PRR29: variants seen among roughly 807,000 people sequenced by gnomAD.
PRR29 encodes proline rich 29.
A neutral mutation model predicts 25.1 loss-of-function variants in PRR29; 20 were observed. That is an observed-to-expected ratio of 0.80 (90% CI 0.56 to 1.16). The LOEUF (loss-of-function observed/expected upper bound fraction) is 1.16, where lower values mean the gene tolerates loss of function less well. Ranked by LOEUF, PRR29 falls within the 50% of genes most tolerant of loss-of-function variation. PRR29 has a pLI of 0.00. For synonymous variants in PRR29, 108 were observed against 102.6 expected, an observed-to-expected ratio of 1.05 and a Z score of -0.32; for missense variants, 238 against 246.6, an observed-to-expected ratio of 0.97 and a Z score of 0.23.
In PRR29 at chr17:64,003,034, G is replaced by T; in HGVS notation, c.*1273G>T. On this transcript the variant is annotated 3_prime_UTR_variant, in exon 6 of 6. Transcript: ENST00000412177. Reference sequence around the variant, plus strand: ...CCCAGACCCCCAGACCCCGCCGCCCGCTCATGCATCCAGCAGTCACCCCAG... The same window carrying T: ...CCCAGACCCCCAGACCCCGCCGCCCTCTCATGCATCCAGCAGTCACCCCAG... The T allele has an allele frequency of 1.1e-6, 1 of 872,874 alleles. No homozygotes were observed. Among genetic ancestry groups the T allele is most frequent in the Non-Finnish European group, 1.8e-6 (1 of 568,570 alleles). 54.1% of individuals were successfully genotyped at this position (872,874 alleles called of 1,614,324 possible). A position where few individuals can be genotyped will look rare whatever the true frequency, so the allele number is the denominator to read the frequency against.
chr17:64,002,033 C>G lies in PRR29; in HGVS notation c.*272C>G. On this transcript the variant is annotated 3_prime_UTR_variant, in exon 6 of 6. Transcript: ENST00000412177. ...GCCACGTCAGCCCGCCTCTGCCCCA[C>G]TGCTTCCTGCCTGGAGCAGGGGGAG... is the stretch of plus-strand genomic sequence containing the variant. The G allele has an allele frequency of 6.6e-7, 1 of 1,510,098 alleles. No individual in the cohort carries two copies. The highest frequency in any genetic ancestry group is 8.9e-7 in the Non-Finnish European group (1 of 1,127,326). 93.5% of individuals were successfully genotyped at this position (1,510,098 alleles called of 1,614,324 possible). A position where few individuals can be genotyped will look rare whatever the true frequency, so the allele number is the denominator to read the frequency against.
In PRR29 at chr17:64,001,723, G is replaced by A. The variant is rs1339441934; in HGVS notation, c.542-10G>A. ...AGGAGGGAGTCAAGATGAGGTTCTTGTTTCCCCAGACTACTATGATGCCGA... is the reference window on the plus strand; with the variant it reads ...AGGAGGGAGTCAAGATGAGGTTCTTATTTCCCCAGACTACTATGATGCCGA... On this transcript the variant is annotated splice_polypyrimidine_tract_variant and intron_variant, in intron 5 of 5. Transcript: ENST00000412177. 2 of 1,536,796 alleles carry A rather than the reference G, an allele frequency of 1.3e-6. No individual in the cohort carries two copies. Among genetic ancestry groups the A allele is most frequent in the Admixed American group, 2.0e-5 (1 of 50,966 alleles).
At position 64,001,302 on chromosome 17, in the gene PRR29, A is replaced by C; in HGVS notation, c.462A>C (p.Glu154Asp). 6.5e-7 allele frequency: 1 copy of C among 1,535,484 alleles called. No homozygotes were observed. Reference protein sequence around the residue: ...PRIQHCPASREREVRAVPPPP... With the variant: ...PRIQHCPASRDREVRAVPPPP... Reference sequence around the variant, plus strand: ...TTCAGCACTGTCCTGCCTCCAGGGAAAGGGAGGTGTAAGTGAGGCTGGGTG... The same window carrying C: ...TTCAGCACTGTCCTGCCTCCAGGGACAGGGAGGTGTAAGTGAGGCTGGGTG... The change falls in exon 4 of 6, where the codon GAA becomes GAC. Residue 154 changes from glutamate to aspartate, a missense_variant. Physicochemically the swap from Glu to Asp is conservative, Grantham distance 45. Coordinates refer to ENST00000412177, the MANE Select transcript of PRR29 (RefSeq NM_001164257.2).
chr17:63,998,797 T>TGCCCCCC lies in PRR29; in HGVS notation c.136+15_136+16insGCCCCCC. ...CGTGAAGGAAGGTGAGACTCCCGGG[T>TGCCCCCC]CCCCCCACCCCACCCCCACCATCAC... On this transcript the variant is annotated intron_variant, in intron 2 of 5. Transcript: ENST00000412177. 13 of 1,062,588 alleles carry TGCCCCCC rather than the reference T, an allele frequency of 1.2e-5. No homozygotes were observed. The highest frequency in any genetic ancestry group is 1.7e-5 in the Non-Finnish European group (13 of 761,692). The allele number at this position is 1,062,588 out of a possible 1,614,324, so 65.8% of individuals were successfully genotyped here.
At position 64,003,864 on chromosome 17, in the gene PRR29, G is replaced by A. The variant is rs1598015751; in HGVS notation, c.*2103G>A. ...CACGGAACAGGAAGAGGGTGAGGCTGTCCAGGGGCTCCACGGTGGGCACCC... is the reference window on the plus strand; with the variant it reads ...CACGGAACAGGAAGAGGGTGAGGCTATCCAGGGGCTCCACGGTGGGCACCC... On this transcript the variant is annotated 3_prime_UTR_variant, in exon 6 of 6. Coordinates refer to ENST00000412177, the MANE Select transcript of PRR29 (RefSeq NM_001164257.2). 1.9e-6 allele frequency: 3 copies of A among 1,614,224 alleles called. No homozygotes were observed. In the African/African-American group the frequency reaches 4.0e-5, roughly 22 times the overall value.
Position 64,002,554 on chromosome 17 carries a change from G to C in PRR29, c.*793G>C. 1 of 596,300 alleles carries C rather than the reference G, an allele frequency of 1.7e-6. No homozygotes were observed. The highest frequency in any genetic ancestry group is 2.9e-6 in the Non-Finnish European group (1 of 342,606). The allele number at this position is 596,300 out of a possible 1,614,324, so 36.9% of individuals were successfully genotyped here. A position where few individuals can be genotyped will look rare whatever the true frequency, so the allele number is the denominator to read the frequency against. On this transcript the variant is annotated 3_prime_UTR_variant, in exon 6 of 6. Transcript: ENST00000412177. ...GTCCCCCATGGTGGCTCCCCTCCCT[G>C]GCCATTGTTATCCCAGGAGGAGACA...
rs1359453493 is a variant in PRR29 at position 64,002,842 on chromosome 17, A to T, written c.*1081A>T. On this transcript the variant is annotated 3_prime_UTR_variant, in exon 6 of 6. Transcript: ENST00000412177. The stretch of plus-strand genomic sequence containing the variant: ...CGCAAGTGCTGGCCGAAGATGAAGC[A>T]GAGCAGGACAGATGTCACGAACAGG... 6.2e-7 allele frequency: 1 copy of T among 1,613,904 alleles called. No individual in the cohort carries two copies. Among genetic ancestry groups the T allele is most frequent in the Non-Finnish European group, 8.5e-7 (1 of 1,180,004 alleles).
chr17:63,998,395 C>G lies in PRR29; in HGVS notation c.31C>G (p.Arg11Gly). ...CTCTGGGGCGGGCGGAAGCTGGGGTCGCTCCCCACCGCAGAGCGCAGTCCC... is the reference window on the plus strand; with the variant it reads ...CTCTGGGGCGGGCGGAAGCTGGGGTGGCTCCCCACCGCAGAGCGCAGTCCC... MASGAGGSWG[R>G]SPPQSAVPTP... is the part of the protein sequence containing the mutation. Residue 11 changes from arginine to glycine, a missense_variant, in exon 1 of 6, where the codon CGC (arginine) becomes GGC (glycine). Arg to Gly is a moderately radical substitution (Grantham distance 125). Transcript: ENST00000412177. The G allele has an allele frequency of 6.6e-7, 1 of 1,516,228 alleles. No homozygotes were observed. The highest frequency in any genetic ancestry group is 1.2e-5 in the South Asian group (1 of 81,340). 93.9% of individuals were successfully genotyped at this position (1,516,228 alleles called of 1,614,324 possible). A position where few individuals can be genotyped will look rare whatever the true frequency, so the allele number is the denominator to read the frequency against.
chr17:63,999,169 A>G (rs781232919), intron 3 of PRR29, 95 bp downstream of exon 3: 40 of 940,816 alleles, frequency 4.3e-5, no homozygotes, highest in Non-Finnish European at 5.6e-5. Context: ...GAACTGGGAG[A>G]CAGAGGAGCA....
At chr17:64,001,627 G>T in intron 5 of PRR29, 90 bp downstream of exon 5, 10 of 1,499,034 alleles carry the variant, frequency 6.7e-6, no homozygotes, top group South Asian at 1.3e-5. Context: ...GGGTTTGGGG[G>T]TTTCCTAACA....
In PRR29 at chr17:64,004,240, C is replaced by A; in HGVS notation, c.*2479C>A. ...ACTGGAAAGATATAAAAGTTTGGGTCTGTCTCCTCTCCTTCAGAAATGAAA... is the reference window on the plus strand; with the variant it reads ...ACTGGAAAGATATAAAAGTTTGGGTATGTCTCCTCTCCTTCAGAAATGAAA... On this transcript the variant is annotated 3_prime_UTR_variant, in exon 6 of 6. Transcript: ENST00000412177. 2.2e-6 allele frequency: 1 copy of A among 448,302 alleles called. No homozygotes were observed. The highest frequency in any genetic ancestry group is 4.0e-6 in the Non-Finnish European group (1 of 250,510). The allele number at this position is 448,302 out of a possible 1,614,324, so 27.8% of individuals were successfully genotyped here. A position where few individuals can be genotyped will look rare whatever the true frequency, so the allele number is the denominator to read the frequency against.
In PRR29 at chr17:64,003,449, G is replaced by A. The variant is rs528679979; in HGVS notation, c.*1688G>A. Reference sequence around the variant, plus strand: ...GCCGAGGAACTAGTTGACCTCTCCCGACCTCTGGAGCAGTTGAGGTCCAAG... The same window carrying A: ...GCCGAGGAACTAGTTGACCTCTCCCAACCTCTGGAGCAGTTGAGGTCCAAG... On this transcript the variant is annotated 3_prime_UTR_variant, in exon 6 of 6. Coordinates refer to ENST00000412177, the MANE Select transcript of PRR29 (RefSeq NM_001164257.2). 92 of 604,612 alleles carry A rather than the reference G, an allele frequency of 1.5e-4. No individual in the cohort carries two copies. Among genetic ancestry groups the A allele is most frequent in the African/African-American group, 1.4e-3 (78 of 53,914 alleles). The allele number at this position is 604,612 out of a possible 1,614,324, so 37.5% of individuals were successfully genotyped here.
chr17:64,000,914 C>A, intron 3 of PRR29, 170 bp from the exon 4 acceptor site: 1 of 629,458 alleles, frequency 1.6e-6, no homozygotes, highest in South Asian at 1.8e-5. Flanking sequence ...GATCCGCCCG[C>A]CTCGGCCTCC....
chr17:64,001,516 G>A lies in PRR29; in HGVS notation c.520G>A (p.Ala174Thr). 3 of 1,516,420 alleles carry A rather than the reference G, an allele frequency of 2.0e-6. No homozygotes were observed. The highest frequency in any genetic ancestry group is 2.4e-5 in the East Asian group (1 of 40,864). The allele number at this position is 1,516,420 out of a possible 1,614,324, so 93.9% of individuals were successfully genotyped here. A position where few individuals can be genotyped will look rare whatever the true frequency, so the allele number is the denominator to read the frequency against. The change falls in exon 5 of 6, where the codon GCT becomes ACT. Residue 174 changes from alanine to threonine, a missense_variant. Transcript: ENST00000412177. ...CCCCAGTGCCACAGGGACTGTGGGTGCTGATGTACCCCCGGCTTCAGGTAG... is the reference window on the plus strand; with the variant it reads ...CCCCAGTGCCACAGGGACTGTGGGTACTGATGTACCCCCGGCTTCAGGTAG... Reference protein sequence around the residue: ...PPPSATGTVGADVPPASDYYD... With the variant: ...PPPSATGTVGTDVPPASDYYD...
In PRR29 at chr17:64,001,454, TCCC is replaced by T; in HGVS notation, c.471-10_471-8del. On this transcript the variant is annotated splice_polypyrimidine_tract_variant and intron_variant, in intron 4 of 5. Transcript: ENST00000412177. Reference sequence around the variant, plus strand: ...GGCCTCTGATGGGGGTCTTTTTCTTTCCCCCATCTCAGGAGAGCTGTGCCCCCA... The same window carrying T: ...GGCCTCTGATGGGGGTCTTTTTCTTTCCATCTCAGGAGAGCTGTGCCCCCA... The T allele has an allele frequency of 6.7e-7, 1 of 1,496,086 alleles. No individual in the cohort carries two copies. The allele number at this position is 1,496,086 out of a possible 1,614,324, so 92.7% of individuals were successfully genotyped here. A position where few individuals can be genotyped will look rare whatever the true frequency, so the allele number is the denominator to read the frequency against.
rs747390255 is a variant in PRR29 at position 64,001,469 on chromosome 17, G to A, written c.473G>A (p.Arg158Lys). ...HCPASREREV[R>K]AVPPPPPPSA... ...TCTTTTTCTTTCCCCCATCTCAGGA[G>A]AGCTGTGCCCCCACCCCCACCCCCC... Residue 158 changes from arginine to lysine, a missense_variant and splice_region_variant, in exon 5 of 6, where the codon AGA becomes AAA. Transcript: ENST00000412177. 4.7e-6 allele frequency: 7 copies of A among 1,493,270 alleles called. No individual in the cohort carries two copies. The highest frequency in any genetic ancestry group is 6.2e-6 in the Non-Finnish European group (7 of 1,127,178). The allele number at this position is 1,493,270 out of a possible 1,614,324, so 92.5% of individuals were successfully genotyped here.
At position 63,998,626 on chromosome 17, in the gene PRR29, C is replaced by G; in HGVS notation, c.61-81C>G. 3.0e-6 allele frequency: 3 copies of G among 1,005,406 alleles called. No individual in the cohort carries two copies. The South Asian group carries it at 4.4e-5, about 15-fold the overall frequency. The allele number at this position is 1,005,406 out of a possible 1,614,324, so 62.3% of individuals were successfully genotyped here. A position where few individuals can be genotyped will look rare whatever the true frequency, so the allele number is the denominator to read the frequency against. On this transcript the variant is annotated intron_variant, in intron 1 of 5. Transcript: ENST00000412177. ...GGCCCCTGCGGGGTTAGGGAGGCCA[C>G]TGGCCGGGGGGGTTGGGGCTCGCGA...
chr17:64,002,969 A>C lies in PRR29; in HGVS notation c.*1208A>C. 6.3e-7 allele frequency: 1 copy of C among 1,575,592 alleles called. No homozygotes were observed. Among genetic ancestry groups the C allele is most frequent in the Middle Eastern group, 1.7e-4 (1 of 5,898 alleles). ...AGGGTCTTAGACGTCCTGTGATCCC[A>C]GTTACCAGGGACCAAAAGGGAGTGG... is the stretch of plus-strand genomic sequence containing the variant. On this transcript the variant is annotated 3_prime_UTR_variant, in exon 6 of 6. Transcript: ENST00000412177.
At chr17:63,999,298 A>G in intron 3 of PRR29, 1 of 583,756 alleles carries the variant, frequency 1.7e-6, no homozygotes, top group Non-Finnish European at 3.1e-6. Flanking sequence ...TCTTGTTTTC[A>G]AGGAGGTTTC....
Sources: gnomAD v4.1 joint callset for allele counts on GRCh38, gnomAD v4.1.1 for gene constraint, MANE v1.5 for transcripts, NCBI Gene and HGNC (gene_info 2026-07-23, HGNC 2026-07-21) for gene names.